The following SLX4IP variants were observed in gnomAD, a reference collection of about 807,000 sequenced individuals.
SLX4IP encodes the protein protein SLX4IP.
In SLX4IP, 34 loss-of-function variants were observed where a neutral mutation model predicts 32.9. The observed-to-expected ratio is 1.03, with a 90% CI of 0.79 to 1.38. The LOEUF is 1.38. Among genes scored for constraint, SLX4IP ranks in the 40% most tolerant of loss-of-function variants. SLX4IP has a pLI of 0.00. For missense variants in SLX4IP, 444 were observed against 479.0 expected (o/e 0.93, Z 0.68); for synonymous variants, 172 against 171.7 (o/e 1.00, Z -0.01).
chr20:10,523,436 A>G (rs1328857203), intron 2 of SLX4IP, among the ~76,000 whole-genome samples: 1 of 152,262 alleles, frequency 6.6e-6, no homozygotes, highest in East Asian at 1.9e-4. Context: ...ACCTCTGTAT[A>G]TAGACATAGT....
rs1432291977 is a variant in SLX4IP, at chr20:10,627,536, A to G, written c.*4157A>G. On this transcript the variant is annotated 3_prime_UTR_variant, in exon 8 of 8. Transcript: ENST00000334534. ...GGACTCACTCTAATTTGCTTTCTAT[A>G]TTTATTTACAAGACAGGGAACAAAT... is the stretch of plus-strand genomic sequence containing the variant. The G allele has an allele frequency of 3.9e-5, 6 of 152,214 alleles. No homozygotes were observed. Among genetic ancestry groups the G allele is most frequent in the Non-Finnish European group, 8.8e-5 (6 of 68,036 alleles). The allele number at this position is 152,214 out of a possible 1,614,324, so 9.4% of individuals were successfully genotyped here. A position where few individuals can be genotyped will look rare whatever the true frequency, so the allele number is the denominator to read the frequency against.
chr20:10,475,837 G>A (rs857011), intron 2 of SLX4IP, among the ~76,000 whole-genome samples: 89,063 of 152,076 alleles, frequency 0.59, 26,294 homozygotes, highest in South Asian at 0.75. Context: ...CTGTCAGAAA[G>A]AGGGGCATAG....
intron 2 of SLX4IP, among the ~76,000 whole-genome samples, chr20:10,484,696 A>C (rs150686805): frequency 1.3e-5 from 2 of 152,354 alleles, no homozygotes; most frequent in East Asian, 3.9e-4. Flanking sequence ...CTCACCCTTA[A>C]GAAAAGATAT....
At chr20:10,438,222 T>G (rs1190353436) in intron 1 of SLX4IP, among the ~76,000 whole-genome samples, 1 of 152,060 alleles carries the variant, frequency 6.6e-6, no homozygotes, top group Non-Finnish European at 1.5e-5. Context: ...AGGCCTTTTT[T>G]TTTTTTTCTG....
At chr20:10,564,257 C>T (rs2066364964) in intron 4 of SLX4IP, among the ~76,000 whole-genome samples, 2 of 152,184 alleles carry the variant, frequency 1.3e-5, no homozygotes, top group Admixed American at 6.5e-5. Flanking sequence ...CTGTTTTCAG[C>T]TGATCCTATA....
chr20:10,473,642 A>G (rs1465981164), intron 2 of SLX4IP, among the ~76,000 whole-genome samples: 1 of 149,896 alleles, frequency 6.7e-6, no homozygotes, highest in Non-Finnish European at 1.5e-5. Flanking sequence ...TCACTGTGTC[A>G]CCCAGGCTGG....
At chr20:10,601,955 C>A in intron 6 of SLX4IP, 136 bp downstream of exon 6, 1 of 705,398 alleles carries the variant, frequency 1.4e-6, no homozygotes, top group Non-Finnish European at 2.4e-6. Context: ...GAACAAGAAG[C>A]CCTACCTGTT....
chr20:10,551,226 GCAGTGAGT>G (rs1377106767), intron 2 of SLX4IP, among the ~76,000 whole-genome samples: 1 of 152,198 alleles, frequency 6.6e-6, no homozygotes, highest in Non-Finnish European at 1.5e-5. Context: ...CGTTCAGTTG[GCAGTGAGT>G]TTCCAGTGAA....
At chr20:10,463,876 G>A (rs2065358875) in intron 2 of SLX4IP, among the ~76,000 whole-genome samples, 1 of 152,090 alleles carries the variant, frequency 6.6e-6, no homozygotes, top group Non-Finnish European at 1.5e-5. Context: ...TGAACTCCTA[G>A]GCTCAAGTGA....
chr20:10,444,295 A>G (rs760521554), intron 1 of SLX4IP, among the ~76,000 whole-genome samples: 4 of 152,184 alleles, frequency 2.6e-5, no homozygotes, highest in Admixed American at 1.3e-4. Context: ...TTTATAAACA[A>G]TAGGAATTTA....
chr20:10,450,188 C>T (rs2065230744), intron 1 of SLX4IP, among the ~76,000 whole-genome samples: 1 of 110,282 alleles, frequency 9.1e-6, no homozygotes, highest in African/African-American at 2.8e-5. Flanking sequence ...AATTGGATCA[C>T]ACATTTTTTT....
rs938782788 is a variant in SLX4IP, at chr20:10,436,185, T to C, written c.-30+732T>C. Among the ~76,000 whole-genome samples, 6 of 152,160 alleles carry C rather than the reference T, an allele frequency of 3.9e-5. No individual in the cohort carries two copies. In the South Asian group the frequency reaches 6.2e-4, roughly 16 times the overall value. ...AATATTCCAGTTACTTAGGGCCTTG[T>C]TGCTCCAAGTTCATTTCACCTACCA... is the stretch of plus-strand genomic sequence containing the variant. On this transcript the variant is annotated intron_variant, in intron 1 of 7. Transcript: ENST00000334534.
At chr20:10,555,589 C>T (rs926167107) in intron 2 of SLX4IP, among the ~76,000 whole-genome samples, 2 of 152,156 alleles carry the variant, frequency 1.3e-5, no homozygotes, top group African/African-American at 2.4e-5. Context: ...AGAATATTTC[C>T]ATTATTTTCT....
At chr20:10,567,922 T>G (rs2066415105) in intron 4 of SLX4IP, among the ~76,000 whole-genome samples, 1 of 152,226 alleles carries the variant, frequency 6.6e-6, no homozygotes, top group Non-Finnish European at 1.5e-5. Flanking sequence ...TGCCACTGAT[T>G]AGGCACAAAT....
Position 10,543,618 on chromosome 20 carries a change from C to T in SLX4IP, c.28-12613C>T, listed in dbSNP as rs112599538. On this transcript the variant is annotated intron_variant, in intron 2 of 7. Transcript: ENST00000334534. ...TGTGTCCAGTGAGGAGGGAGGAGAA[C>T]GAGCAAAGCTGACTTCTGGTGTCCC... Among the ~76,000 whole-genome samples the T allele has an allele frequency of 2.5e-3, 386 of 152,250 alleles. 2 individuals carry two copies. Among genetic ancestry groups the T allele is most frequent in the African/African-American group, 7.9e-3 (328 of 41,552 alleles).
In SLX4IP at chr20:10,612,488, A is replaced by G. The variant is rs113439789; in HGVS notation, c.406-8826A>G. On this transcript the variant is annotated intron_variant, in intron 6 of 7. Coordinates refer to ENST00000334534, the MANE Select transcript of SLX4IP (RefSeq NM_001009608.3). ...AGTAACATTTTGAATATGCCCTAAG[A>G]CTATGTTTTGTAATATTCTACTGTG... Among the ~76,000 whole-genome samples, 630 of 152,232 alleles carry G rather than the reference A, an allele frequency of 4.1e-3. 8 individuals carry two copies. The highest frequency in any genetic ancestry group is 0.014 in the African/African-American group (595 of 41,536).
intron 2 of SLX4IP, among the ~76,000 whole-genome samples, chr20:10,466,251 C>T (rs1006931438): frequency 6.6e-6 from 1 of 152,186 alleles, no homozygotes; most frequent in African/African-American, 2.4e-5. Context: ...GGGTCGCTCT[C>T]AATAATAATT....
chr20:10,596,186 G>T (rs1388370175), intron 4 of SLX4IP, among the ~76,000 whole-genome samples: 1 of 152,102 alleles, frequency 6.6e-6, no homozygotes, highest in Non-Finnish European at 1.5e-5. Flanking sequence ...ACTCAAAACT[G>T]TAGCTTTCAT....
intron 2 of SLX4IP, among the ~76,000 whole-genome samples, chr20:10,460,076 T>C (rs1301670560): frequency 6.6e-6 from 1 of 152,224 alleles, no homozygotes. Flanking sequence ...TATCCATATA[T>C]ATATTCTTTA....
Sources: gnomAD v4.1 joint callset for allele counts (sites outside exome capture counted in the v4.1 genomes callset) on GRCh38, gnomAD v4.1.1 for gene constraint, MANE v1.5 for transcripts, NCBI Gene and HGNC (gene_info 2026-07-23, HGNC 2026-07-21) for gene names.